DPP10: variants seen among roughly 807,000 people sequenced by gnomAD.
The protein encoded by DPP10 is inactive dipeptidyl peptidase 10.
Under a neutral mutation model 120.9 loss-of-function variants are expected in DPP10, and 33 were observed. The observed-to-expected ratio is 0.27, with a 90% CI of 0.21 to 0.37. The LOEUF is 0.37. Among genes scored for constraint, DPP10 ranks in the 10% least tolerant of loss-of-function variants. The pLI, the probability that DPP10 is intolerant of heterozygous loss-of-function variation, is 1.00. For synonymous variants in DPP10, 337 were observed against 326.1 expected, an observed-to-expected ratio of 1.03 and a Z score of -0.36; for missense variants, 816 against 942.8, an observed-to-expected ratio of 0.87 and a Z score of 1.76.
At chr2:114,833,529 A>C (rs1460995615) in intron 1 of DPP10, 2 of 152,192 alleles carry the variant, frequency 1.3e-5, no homozygotes, top group Non-Finnish European at 2.9e-5. Flanking sequence ...TTCTCTTCCA[A>C]ACATACAGGT....
chr2:115,767,442 G>C (rs1391888562), intron 12 of DPP10, among the ~76,000 whole-genome samples: 1 of 151,080 alleles, frequency 6.6e-6, no homozygotes, highest in Non-Finnish European at 1.5e-5. Context: ...CCTGAAGAAA[G>C]AGCAGTATCT....
intron 3 of DPP10, among the ~76,000 whole-genome samples, chr2:115,455,268 A>G (rs189574762): frequency 1.3e-5 from 2 of 151,984 alleles, no homozygotes; most frequent in African/African-American, 2.4e-5. Context: ...ATTTCTATCA[A>G]AATTCTAAGT....
intron 2 of DPP10, among the ~76,000 whole-genome samples, chr2:115,323,290 ACTC>A (rs2062161611): frequency 1.3e-5 from 2 of 151,500 alleles, no homozygotes; most frequent in African/African-American, 4.9e-5. Flanking sequence ...ATAAGAAAAA[ACTC>A]CTCGTTCATT....
intron 1 of DPP10, among the ~76,000 whole-genome samples, chr2:114,874,987 C>T (rs1009286917): frequency 1.8e-4 from 27 of 152,104 alleles, no homozygotes; most frequent in African/African-American, 6.3e-4. Context: ...AATGTTACCT[C>T]TTTATGAAAC....
chr2:114,993,921 C>A (rs1216284339), intron 1 of DPP10, among the ~76,000 whole-genome samples: 1 of 152,104 alleles, frequency 6.6e-6, no homozygotes, highest in Non-Finnish European at 1.5e-5. Flanking sequence ...ACTATTTCCT[C>A]CTTGAATAGC....
intron 3 of DPP10, among the ~76,000 whole-genome samples, chr2:115,413,224 A>G (rs2104598266): frequency 6.6e-6 from 1 of 152,284 alleles, no homozygotes; most frequent in East Asian, 1.9e-4. Context: ...GTCTGGCCCA[A>G]AAACTCTGCC....
At chr2:114,929,820 G>A (rs1343746503) in intron 1 of DPP10, among the ~76,000 whole-genome samples, 2 of 152,180 alleles carry the variant, frequency 1.3e-5, no homozygotes, top group Non-Finnish European at 2.9e-5. Flanking sequence ...TATTGATTGA[G>A]GAAGTGATAA....
chr2:114,862,975 A>C (rs1381078687), intron 1 of DPP10, among the ~76,000 whole-genome samples: 1 of 151,732 alleles, frequency 6.6e-6, no homozygotes, highest in Non-Finnish European at 1.5e-5. Context: ...ATAATCATGA[A>C]TTAAACACTT....
chr2:114,925,103 C>T (rs1026168492), intron 1 of DPP10, among the ~76,000 whole-genome samples: 6 of 150,110 alleles, frequency 4.0e-5, no homozygotes, highest in Admixed American at 6.7e-5. Flanking sequence ...GCCAGCTACT[C>T]GGCAGGCTGA....
intron 1 of DPP10, among the ~76,000 whole-genome samples, chr2:114,552,521 T>C (rs1464873840): frequency 1.3e-5 from 2 of 152,154 alleles, no homozygotes; most frequent in Non-Finnish European, 2.9e-5. Flanking sequence ...TCTGTGACTT[T>C]CCATTATACA....
chr2:115,555,498 A>G (rs1237788456), intron 5 of DPP10, among the ~76,000 whole-genome samples: 4 of 152,096 alleles, frequency 2.6e-5, no homozygotes, highest in Non-Finnish European at 5.9e-5. Context: ...TTGTTTATGC[A>G]GACTCATCTC....
intron 19 of DPP10, among the ~76,000 whole-genome samples, chr2:115,794,276 T>TCC (rs1426961442): frequency 8.5e-5 from 13 of 152,128 alleles, no homozygotes; most frequent in Admixed American, 6.6e-4. Context: ...AGGAATTATA[T>TCC]AATGAATGCA....
intron 1 of DPP10, among the ~76,000 whole-genome samples, chr2:114,977,551 T>A (rs2104831843): frequency 6.6e-6 from 1 of 152,262 alleles, no homozygotes; most frequent in Admixed American, 6.5e-5. Flanking sequence ...CTGAATGTTT[T>A]GTACTAGAGC....
intron 8 of DPP10, 89 bp from the exon 9 acceptor site, chr2:115,739,648 GGT>G: frequency 7.7e-7 from 1 of 1,298,400 alleles, no homozygotes; most frequent in Admixed American, 2.0e-5. Flanking sequence ...AGAAAATATA[GGT>G]GTACAATGGA....
intron 1 of DPP10, among the ~76,000 whole-genome samples, chr2:114,772,105 A>G (rs1681317249): frequency 6.6e-6 from 1 of 151,542 alleles, no homozygotes. Context: ...TTATTTTTTC[A>G]TAGTATAGAG....
At chr2:114,603,128 G>A (rs1692505328) in intron 1 of DPP10, among the ~76,000 whole-genome samples, 1 of 152,008 alleles carries the variant, frequency 6.6e-6, no homozygotes, top group South Asian at 2.1e-4. Flanking sequence ...CCCATTGTAA[G>A]TATAATCATA....
chr2:115,391,942 C>T (rs2067345558), intron 3 of DPP10, among the ~76,000 whole-genome samples: 1 of 152,056 alleles, frequency 6.6e-6, no homozygotes, highest in Non-Finnish European at 1.5e-5. Flanking sequence ...GTTACCAGAA[C>T]CTCAGCATTC....
chr2:115,389,277 A>AC (rs1491356791), intron 3 of DPP10, among the ~76,000 whole-genome samples: 27 of 104,846 alleles, frequency 2.6e-4, no homozygotes, highest in African/African-American at 5.6e-4. Context: ...ACACACACAC[A>AC]AACACACACA....
In DPP10 at chr2:114,520,750, G is replaced by A. The variant is rs866182696; in HGVS notation, c.60+77912G>A. Among the ~76,000 whole-genome samples the A allele has an allele frequency of 5.9e-5, 9 of 152,310 alleles. 1 individual carries two copies. The Middle Eastern group carries it at 0.02, about 345-fold the overall frequency. On this transcript the variant is annotated intron_variant, in intron 1 of 25. Coordinates refer to ENST00000410059, the MANE Select transcript of DPP10 (RefSeq NM_020868.6). ...GGATCCTGTGAGTCTGCTTATCACA[G>A]TCATTTGAAGAGAGAAACAACAACT...
Sources: gnomAD v4.1 joint callset for allele counts (sites outside exome capture counted in the v4.1 genomes callset) on GRCh38, gnomAD v4.1.1 for gene constraint, MANE v1.5 for transcripts, NCBI Gene and HGNC (gene_info 2026-07-23, HGNC 2026-07-21) for gene names.